Variants in DIAPH2 observed in about 807,000 individuals in gnomAD.
DIAPH2 encodes the protein diaphanous related formin 2, also known as protein diaphanous homolog 2.
DIAPH2 carries 35 observed loss-of-function variants against 92.7 expected under a neutral mutation model. That is an observed-to-expected ratio of 0.38 (90% CI 0.29 to 0.50). The LOEUF (loss-of-function observed/expected upper bound fraction) is 0.50, where lower values mean the gene tolerates loss of function less well. DIAPH2 is among the 20% of genes least tolerant of loss of function. The probability of loss-of-function intolerance (pLI) is 0.94; values close to 1 mark genes in which losing one functional copy is unlikely to be tolerated. For missense variants in DIAPH2, 701 were observed against 819.5 expected (o/e 0.86, Z 1.77); for synonymous variants, 301 against 280.4 (o/e 1.07, Z -0.73).
At chrX:97,517,881 T>G (rs771939163) in intron 26 of DIAPH2, among the ~76,000 whole-genome samples, 1 of 112,550 alleles carries the variant, frequency 8.9e-6, no homozygotes, top group African/African-American at 3.2e-5. Context: ...AACGCTGAGT[T>G]AAACCTCCCA....
At chrX:97,073,478 A>C (rs1186740817) in intron 18 of DIAPH2, among the ~76,000 whole-genome samples, 2 of 112,310 alleles carry the variant, frequency 1.8e-5, no homozygotes, top group African/African-American at 6.5e-5. Context: ...TGTTAACCTT[A>C]ACTGCATTTA....
chrX:97,379,805 T>A, intron 24 of DIAPH2, among the ~76,000 whole-genome samples: 1 of 111,635 alleles, frequency 9.0e-6, no homozygotes, highest in Non-Finnish European at 1.9e-5. Context: ...TAGTGGTGGT[T>A]TATGTTTTCA....
intron 22 of DIAPH2, among the ~76,000 whole-genome samples, chrX:97,229,885 A>ATT (rs1303025598): frequency 1.9e-5 from 2 of 105,446 alleles, no homozygotes; most frequent in Non-Finnish European, 3.9e-5. Flanking sequence ...AAGATGTAAT[A>ATT]TTGTTATTAT....
At chrX:96,724,218 G>A (rs554784122) in intron 1 of DIAPH2, among the ~76,000 whole-genome samples, 1 of 111,218 alleles carries the variant, frequency 9.0e-6, no homozygotes, top group Non-Finnish European at 1.9e-5. Context: ...GAGCCACCAC[G>A]CTTGGCTAAT....
At chrX:96,901,008 T>G (rs1444169613) in intron 5 of DIAPH2, among the ~76,000 whole-genome samples, 1 of 111,994 alleles carries the variant, frequency 8.9e-6, no homozygotes, top group Non-Finnish European at 1.9e-5. Flanking sequence ...CCTCTTTCTC[T>G]TTTGGAATAG....
chrX:97,562,341 C>T (rs868483179), intron 26 of DIAPH2, among the ~76,000 whole-genome samples: 1 of 86,757 alleles, frequency 1.2e-5, no homozygotes, highest in Non-Finnish European at 2.4e-5. Context: ...ACTAAAAATA[C>T]AAAAAAAAAA....
At chrX:96,772,980 G>A (rs1024584000) in intron 4 of DIAPH2, among the ~76,000 whole-genome samples, 1 of 112,111 alleles carries the variant, frequency 8.9e-6, no homozygotes, top group Non-Finnish European at 1.9e-5. Context: ...GCTGTTCTAC[G>A]AAGTGTGATT....
At chrX:97,362,787 C>G (rs1444137354) in intron 24 of DIAPH2, among the ~76,000 whole-genome samples, 4 of 112,254 alleles carry the variant, frequency 3.6e-5, no homozygotes, top group Admixed American at 2.8e-4. Context: ...CAAGTTAGAA[C>G]GTTAAGTGCT....
intron 22 of DIAPH2, among the ~76,000 whole-genome samples, chrX:97,202,735 G>A (rs1367412276): frequency 4.5e-5 from 5 of 111,392 alleles, no homozygotes; most frequent in African/African-American, 1.6e-4. Context: ...ATGATAGTGG[G>A]AGACTTTAAC....
intron 24 of DIAPH2, among the ~76,000 whole-genome samples, chrX:97,375,899 TG>T (rs1336541049): frequency 9.0e-6 from 1 of 111,627 alleles, no homozygotes; most frequent in Non-Finnish European, 1.9e-5. Flanking sequence ...TAGCAAGGCC[TG>T]GGGTAGGGAA....
At position 96,807,944 on chromosome X, in the gene DIAPH2, C is replaced by CAAAAAAAAAAAAAAA. The variant is rs541681495; in HGVS notation, c.447+49711_447+49725dup. ...GTGAGATTTGGTATTGTAGAAATAG[C>CAAAAAAAAAAAAAAA]AAAAAAAAAAAAAAAAAAAAAAAAA... On this transcript the variant is annotated intron_variant, in intron 4 of 26. Transcript: ENST00000324765. Among the ~76,000 whole-genome samples the CAAAAAAAAAAAAAAA allele has an allele frequency of 6.2e-4, 9 of 14,490 alleles. 2 individuals are homozygous for CAAAAAAAAAAAAAAA. Among genetic ancestry groups the CAAAAAAAAAAAAAAA allele is most frequent in the Non-Finnish European group, 8.5e-4 (7 of 8,260 alleles). The allele number at this position is 14,490 out of a possible 115,157, so 12.6% of individuals were successfully genotyped here.
At chrX:97,080,422 C>T (rs955810082) in intron 19 of DIAPH2, among the ~76,000 whole-genome samples, 1 of 110,033 alleles carries the variant, frequency 9.1e-6, no homozygotes, top group Non-Finnish European at 1.9e-5. Context: ...TGTTTCTCTA[C>T]GATGCATACA....
intron 4 of DIAPH2, among the ~76,000 whole-genome samples, chrX:96,818,353 A>G (rs2064754708): frequency 9.0e-6 from 1 of 110,685 alleles, no homozygotes; most frequent in African/African-American, 3.3e-5. Flanking sequence ...TTTTGCCATT[A>G]ATGGCAAAAC....
intron 24 of DIAPH2, among the ~76,000 whole-genome samples, chrX:97,359,570 CTTTTTTT>C (rs1162203236): frequency 4.5e-5 from 3 of 66,707 alleles, no homozygotes; most frequent in South Asian, 8.6e-4. Context: ...CATGGATAAT[CTTTTTTT>C]TTTTTTTTTT....
At chrX:97,123,904 T>C (rs935037987) in intron 21 of DIAPH2, among the ~76,000 whole-genome samples, 1 of 112,624 alleles carries the variant, frequency 8.9e-6, no homozygotes, top group African/African-American at 3.2e-5. Flanking sequence ...TGTGTCTATA[T>C]AGTATAGTGG....
In DIAPH2 at chrX:96,896,243, T is replaced by C. The variant is rs190133773; in HGVS notation, c.587+14525T>C. Among the ~76,000 whole-genome samples, 188 of 112,072 alleles carry C rather than the reference T, an allele frequency of 1.7e-3. 2 individuals carry two copies. Among genetic ancestry groups the C allele is most frequent in the African/African-American group, 5.8e-3 (181 of 30,988 alleles). On this transcript the variant is annotated intron_variant, in intron 5 of 26. Transcript: ENST00000324765. Reference sequence around the variant, plus strand: ...AAAGATGAAAACCACCTCATTGGTATTGTTTTTACTTCTACATATAACCAT... The same window carrying C: ...AAAGATGAAAACCACCTCATTGGTACTGTTTTTACTTCTACATATAACCAT...
intron 1 of DIAPH2, among the ~76,000 whole-genome samples, chrX:96,721,907 G>A (rs934725123): frequency 2.7e-5 from 3 of 112,321 alleles, no homozygotes; most frequent in African/African-American, 9.7e-5. Context: ...TAAAAACAAT[G>A]CCTGGCACAT....
intron 26 of DIAPH2, among the ~76,000 whole-genome samples, chrX:97,526,743 C>T (rs982609079): frequency 1.8e-5 from 2 of 111,572 alleles, no homozygotes; most frequent in Non-Finnish European, 3.8e-5. Flanking sequence ...ACTGTTGTAC[C>T]TCCAAGTACT....
intron 3 of DIAPH2, among the ~76,000 whole-genome samples, chrX:96,751,820 A>AT (rs1376189741): frequency 1.0e-5 from 1 of 95,427 alleles, no homozygotes; most frequent in African/African-American, 3.7e-5. Context: ...CGCCCGGCTA[A>AT]TTTTTTGTAT....
Sources: allele counts gnomAD v4.1 joint callset (sites outside exome capture counted in the v4.1 genomes callset), GRCh38; gene constraint gnomAD v4.1.1; transcripts MANE v1.5; gene names NCBI Gene and HGNC (gene_info 2026-07-23, HGNC 2026-07-21).